LRRC41: variants seen among roughly 807,000 people sequenced by gnomAD.
LRRC41 encodes leucine-rich repeat-containing protein 41.
A neutral mutation model predicts 72.1 loss-of-function variants in LRRC41; 17 were observed. That is an observed-to-expected ratio of 0.24 (90% CI 0.16 to 0.35). The LOEUF (loss-of-function observed/expected upper bound fraction) is 0.35. LRRC41 is among the 10% of genes least tolerant of loss of function. The pLI, the probability that LRRC41 is intolerant of heterozygous loss-of-function variation, is 1.00. For missense variants in LRRC41, 759 were observed against 1,065.0 expected, an observed-to-expected ratio of 0.71 and a Z score of 4.00; for synonymous variants, 427 against 431.0, an observed-to-expected ratio of 0.99 and a Z score of 0.11.
chr1:46,298,564 T>C, intron 1 of LRRC41, 194 bp from the exon 2 acceptor site: 2 of 473,710 alleles, frequency 4.2e-6, no homozygotes, highest in Non-Finnish European at 7.5e-6. Flanking sequence ...AGTTGGAAGC[T>C]GGAATTTCAG....
In LRRC41 at chr1:46,302,819, C is replaced by T. The variant is rs545083299; in HGVS notation, c.199+305G>A. On this transcript the variant is annotated intron_variant, in intron 1 of 9. Coordinates refer to ENST00000617190, the MANE Select transcript of LRRC41 (RefSeq NM_006369.5). This position sits in a 1 kb window ranked among gnomAD's most constrained non-coding sequence, Gnocchi z 4.7. ...CCAGCCGAGTGTCAGTTCGCGCGGC[C>T]CACAGCCGCAATCCAGCCTCAGTCG... 4.1e-6 allele frequency: 4 copies of T among 985,316 alleles called. No homozygotes were observed. In the East Asian group the frequency reaches 3.4e-4, roughly 84 times the overall value. The allele number at this position is 985,316 out of a possible 1,614,324, so 61.0% of individuals were successfully genotyped here. A position where few individuals can be genotyped will look rare whatever the true frequency, so the allele number is the denominator to read the frequency against.
intron 3 of LRRC41, among the ~76,000 whole-genome samples, chr1:46,290,452 C>T (rs1333322147): frequency 1.3e-5 from 2 of 152,036 alleles, no homozygotes; most frequent in African/African-American, 4.8e-5. Context: ...ATGAGAGTAC[C>T]TATATATATT....
intron 4 of LRRC41, chr1:46,284,276 GGA>G (rs1660840468): frequency 6.6e-6 from 1 of 152,254 alleles, no homozygotes; most frequent in African/African-American, 2.4e-5. Flanking sequence ...ACGGTGGAAA[GGA>G]GAGTAGCATA....
At chr1:46,288,573 C>A (rs1308259605) in intron 3 of LRRC41, among the ~76,000 whole-genome samples, 1 of 152,202 alleles carries the variant, frequency 6.6e-6, no homozygotes, top group Admixed American at 6.5e-5. Context: ...TAAAACATTT[C>A]TTTGATCCTT....
chr1:46,285,751 G>T lies in LRRC41; in HGVS notation c.1106C>A (p.Ser369Tyr). 1 of 1,602,786 alleles carries T rather than the reference G, an allele frequency of 6.2e-7. No homozygotes were observed. Among genetic ancestry groups the T allele is most frequent in the South Asian group, 1.1e-5 (1 of 90,078 alleles). ...TGCCCGTTTGTATGAGGATGTAGAA[G>T]AAGAGGCAGAGGAGGTGGCTGCTGG... ...SAPAATSSASSSTSSYKRAPA... is the reference protein window; with the variant it reads ...SAPAATSSASYSTSSYKRAPA... The change falls in exon 4 of 10, where the codon TCT becomes TAT. Residue 369 changes from serine to tyrosine, a missense_variant. Transcript: ENST00000617190. This position sits in a 1 kb window ranked among gnomAD's most constrained non-coding sequence, Gnocchi z 5.3.
rs550036963 is a variant in LRRC41, at chr1:46,285,515, G to A, written c.1342C>T (p.Leu448=). 4 of 1,614,124 alleles carry A rather than the reference G, an allele frequency of 2.5e-6. No homozygotes were observed. The highest frequency in any genetic ancestry group is 2.7e-5 in the African/African-American group (2 of 75,036). The stretch of plus-strand genomic sequence containing the variant: ...GAAGCTTCCAGTGCTGGAAGCCCCA[G>A]GCAGCTGGGATCTGATCCATCCAAA... ...GALDGSDPSC[L]GLPALEASQR... Residue 448 remains leucine, a synonymous_variant, in exon 4 of 10, where the codon CTG becomes TTG. Coordinates refer to ENST00000617190, the MANE Select transcript of LRRC41 (RefSeq NM_006369.5). The surrounding 1 kb of genome is among the most constrained non-coding windows in gnomAD (Gnocchi z 5.3).
intron 3 of LRRC41, among the ~76,000 whole-genome samples, chr1:46,293,903 T>C (rs1019257059): frequency 2.0e-5 from 3 of 151,402 alleles, no homozygotes; most frequent in Non-Finnish European, 4.4e-5. Flanking sequence ...AATCCCAGAG[T>C]AGCTGGGATT....
At chr1:46,291,746 G>C (rs1338082095) in intron 3 of LRRC41, among the ~76,000 whole-genome samples, 1 of 151,570 alleles carries the variant, frequency 6.6e-6, no homozygotes, top group African/African-American at 2.4e-5. Flanking sequence ...TTTTAGTAGA[G>C]ACGGGGTTTC....
At chr1:46,296,290 G>A (rs1407913995) in intron 3 of LRRC41, among the ~76,000 whole-genome samples, 2 of 152,194 alleles carry the variant, frequency 1.3e-5, no homozygotes. Flanking sequence ...GGTGGCGCAT[G>A]CCTGTAATCC....
In LRRC41 at chr1:46,279,886, G is replaced by T. The variant is rs1409996281; in HGVS notation, c.2021-272C>A. ...TGGCCACCCTCTATGCGGGGGTGGG[G>T]ATCAGAGAAAAGTCTATGAGGGGAG... is the stretch of plus-strand genomic sequence containing the variant. On this transcript the variant is annotated intron_variant, in intron 7 of 9. Coordinates refer to ENST00000617190, the MANE Select transcript of LRRC41 (RefSeq NM_006369.5). The surrounding 1 kb of genome is among the most constrained non-coding windows in gnomAD (Gnocchi z 4.5). Among the ~76,000 whole-genome samples, 2 of 152,140 alleles carry T rather than the reference G, an allele frequency of 1.3e-5. No individual in the cohort carries two copies. Among genetic ancestry groups the T allele is most frequent in the Non-Finnish European group, 2.9e-5 (2 of 68,034 alleles).
chr1:46,285,910 G>A lies in LRRC41; in HGVS notation c.947C>T (p.Ala316Val). ...RKSEAKQMPR[A>V]APATRVTRRS... ...GCGTGTTACCCGAGTGGCAGGTGCA[G>A]CTCTGGGCATCTGCTTGGCTTCACT... is the stretch of plus-strand genomic sequence containing the variant. The change falls in exon 4 of 10, where the codon GCT becomes GTT. Residue 316 changes from alanine to valine, a missense_variant. By Grantham distance (64) the Ala-to-Val change is moderately conservative. Transcript: ENST00000617190. This position sits in a 1 kb window ranked among gnomAD's most constrained non-coding sequence, Gnocchi z 5.3. 6.5e-7 allele frequency: 1 copy of A among 1,541,972 alleles called. No individual in the cohort carries two copies. Among genetic ancestry groups the A allele is most frequent in the South Asian group, 1.3e-5 (1 of 79,568 alleles).
intron 6 of LRRC41, 30 bp from the exon 7 acceptor site, chr1:46,280,320 G>T (rs748511713): frequency 2.5e-6 from 4 of 1,612,148 alleles, no homozygotes; most frequent in Non-Finnish European, 1.7e-6. Flanking sequence ...CATGGACCAT[G>T]GACCTTAGCT....
At chr1:46,290,937 T>G (rs1393610304) in intron 3 of LRRC41, among the ~76,000 whole-genome samples, 1 of 146,702 alleles carries the variant, frequency 6.8e-6, no homozygotes, top group Non-Finnish European at 1.5e-5. Context: ...TTTTTTTTTT[T>G]TTTTTTTAAG....
At chr1:46,298,402 C>G (rs754963425) in intron 1 of LRRC41, 32 bp from the exon 2 acceptor site, 14 of 1,383,000 alleles carry the variant, frequency 1.0e-5, no homozygotes, top group Non-Finnish European at 1.4e-5. Context: ...TTTACTTTTC[C>G]TCCCCTCCCC....
At chr1:46,291,880 G>A (rs182596412) in intron 3 of LRRC41, among the ~76,000 whole-genome samples, 114 of 150,142 alleles carry the variant, frequency 7.6e-4, no homozygotes, top group Admixed American at 2.8e-3. Flanking sequence ...GGGGAGGAGA[G>A]GGTCTCTGTC....
At chr1:46,291,444 C>G (rs919276877) in intron 3 of LRRC41, among the ~76,000 whole-genome samples, 3 of 151,966 alleles carry the variant, frequency 2.0e-5, no homozygotes, top group African/African-American at 7.3e-5. Flanking sequence ...ATGCAATCTT[C>G]CTGCCTTAGC....
chr1:46,282,008 G>A (rs1393285061), intron 4 of LRRC41, among the ~76,000 whole-genome samples: 6 of 151,940 alleles, frequency 3.9e-5, no homozygotes, highest in Non-Finnish European at 8.8e-5. Flanking sequence ...GAACCCAGGA[G>A]ACGGAGGTTG....
Position 46,279,723 on chromosome 1 carries a change from A to T in LRRC41, c.2021-109T>A. ...GTATTAACATTATAGAGGCCCAAAA[A>T]GAGGAAGGAATTTGTCTAGACTCCA... On this transcript the variant is annotated intron_variant, in intron 7 of 9. Transcript: ENST00000617190. This position sits in a 1 kb window ranked among gnomAD's most constrained non-coding sequence, Gnocchi z 4.5. 7.6e-7 allele frequency: 1 copy of T among 1,309,644 alleles called. No individual in the cohort carries two copies. Among genetic ancestry groups the T allele is most frequent in the East Asian group, 2.3e-5 (1 of 43,122 alleles). The allele number at this position is 1,309,644 out of a possible 1,614,324, so 81.1% of individuals were successfully genotyped here.
rs1175140043 is a variant in LRRC41 at position 46,278,313 on chromosome 1, G to A, written c.*552C>T. 2 of 1,583,848 alleles carry A rather than the reference G, an allele frequency of 1.3e-6. No individual in the cohort carries two copies. The highest frequency in any genetic ancestry group is 2.3e-5 in the East Asian group (1 of 43,728). ...AGCTGGTCTGGGTGTAGCTCTTAGA[G>A]GAAGGAGATAGGGAAAAGGGGCTCC... is the stretch of plus-strand genomic sequence containing the variant. On this transcript the variant is annotated 3_prime_UTR_variant, in exon 10 of 10. Transcript: ENST00000617190.
Sources: allele counts gnomAD v4.1 joint callset (sites outside exome capture counted in the v4.1 genomes callset), GRCh38; gene constraint gnomAD v4.1.1; non-coding constraint Gnocchi (gnomAD v3.1); transcripts MANE v1.5; gene names NCBI Gene and HGNC (gene_info 2026-07-23, HGNC 2026-07-21).